DYM: variants seen among roughly 807,000 people sequenced by gnomAD.
DYM encodes dymeclin.
Under a neutral mutation model 93.1 loss-of-function variants are expected in DYM, and 78 were observed. The observed-to-expected ratio is 0.84, with a 90% CI of 0.70 to 1.01. The LOEUF is 1.01. DYM is among the 50% of genes least tolerant of loss of function. The probability of loss-of-function intolerance (pLI) is 0.00; values close to 1 mark genes in which losing one functional copy is unlikely to be tolerated. For missense variants in DYM, 789 were observed against 845.0 expected, an observed-to-expected ratio of 0.93 and a Z score of 0.82; for synonymous variants, 321 against 319.7, an observed-to-expected ratio of 1.00 and a Z score of -0.04.
chr18:49,302,057 G>C (rs1218850830), intron 8 of DYM, among the ~76,000 whole-genome samples: 1 of 152,132 alleles, frequency 6.6e-6, no homozygotes, highest in African/African-American at 2.4e-5. Flanking sequence ...TTTAAAACTT[G>C]CGTGCAAAGA....
intron 15 of DYM, among the ~76,000 whole-genome samples, chr18:49,127,206 T>G (rs7237816): frequency 0.1 from 15,961 of 152,246 alleles, 1,107 homozygotes; most frequent in East Asian, 0.25. Context: ...TGGGCATACT[T>G]ATTTTACTGC....
intron 6 of DYM, among the ~76,000 whole-genome samples, chr18:49,337,170 C>T (rs1343907031): frequency 6.6e-6 from 1 of 152,144 alleles, no homozygotes; most frequent in African/African-American, 2.4e-5. Context: ...ATGCTGAGGT[C>T]AGGTAATATG....
intron 1 of DYM, among the ~76,000 whole-genome samples, chr18:49,454,336 A>G (rs2082783260): frequency 6.6e-6 from 1 of 152,164 alleles, no homozygotes; most frequent in Admixed American, 6.5e-5. Flanking sequence ...TTTTCTAACA[A>G]AGAGCAGCCT....
At chr18:49,146,829 G>T (rs2085201854) in intron 15 of DYM, among the ~76,000 whole-genome samples, 1 of 152,096 alleles carries the variant, frequency 6.6e-6, no homozygotes, top group Admixed American at 6.5e-5. Flanking sequence ...CTTCTTCACA[G>T]AATTGGAAAA....
rs117237434 is a variant in DYM at position 49,345,049 on chromosome 18, G to C, written c.495-11196C>G. On this transcript the variant is annotated intron_variant, in intron 6 of 17. Transcript: ENST00000675505. ...TCTAAAGTTCAAGTATTTAAAACAGGATCAAAGTTAATTTCTCTGCCATAT... is the reference window on the plus strand; with the variant it reads ...TCTAAAGTTCAAGTATTTAAAACAGCATCAAAGTTAATTTCTCTGCCATAT... Among the ~76,000 whole-genome samples, 908 of 152,248 alleles carry C rather than the reference G, an allele frequency of 6.0e-3. 6 individuals carry two copies. Among genetic ancestry groups the C allele is most frequent in the Middle Eastern group, 0.014 (4 of 294 alleles).
Position 49,260,864 on chromosome 18 carries a change from A to C in DYM, c.1252-2371T>G, listed in dbSNP as rs548456450. On this transcript the variant is annotated intron_variant, in intron 11 of 17. Transcript: ENST00000675505. Reference sequence around the variant, plus strand: ...CCATGTACCATCTCCGGGAGAAAAAAAAAAAACAAAACACCACAACACATG... The same window carrying C: ...CCATGTACCATCTCCGGGAGAAAAACAAAAAACAAAACACCACAACACATG... Among the ~76,000 whole-genome samples, 15 of 152,194 alleles carry C rather than the reference A, an allele frequency of 9.9e-5. No homozygotes were observed. In the South Asian group the frequency reaches 2.3e-3, roughly 23 times the overall value.
At chr18:49,210,079 A>G (rs2092711177) in intron 13 of DYM, among the ~76,000 whole-genome samples, 1 of 152,254 alleles carries the variant, frequency 6.6e-6, no homozygotes, top group East Asian at 1.9e-4. Flanking sequence ...GAGGATGTGG[A>G]GCAACAGGAA....
chr18:49,161,311 C>T (rs551330025), intron 15 of DYM, among the ~76,000 whole-genome samples: 1 of 152,242 alleles, frequency 6.6e-6, no homozygotes, highest in South Asian at 2.1e-4. Flanking sequence ...CCATGGTTGG[C>T]AAATACCAGT....
intron 1 of DYM, among the ~76,000 whole-genome samples, chr18:49,457,040 G>A (rs946054767): frequency 6.6e-6 from 1 of 152,162 alleles, no homozygotes; most frequent in African/African-American, 2.4e-5. Flanking sequence ...CTCTCTGTCC[G>A]AAGAAAGGAA....
intron 10 of DYM, among the ~76,000 whole-genome samples, chr18:49,276,201 G>A (rs1387922087): frequency 6.6e-6 from 1 of 151,822 alleles, no homozygotes; most frequent in African/African-American, 2.4e-5. Context: ...TGTGAGCTGT[G>A]GGGTTTTCAT....
chr18:49,099,200 T>C (rs760403320), intron 16 of DYM, among the ~76,000 whole-genome samples: 6 of 152,232 alleles, frequency 3.9e-5, no homozygotes, highest in Non-Finnish European at 8.8e-5. Flanking sequence ...TTAGGCTTAC[T>C]GAATTTTTTT....
intron 5 of DYM, among the ~76,000 whole-genome samples, chr18:49,367,580 A>G (rs895875952): frequency 2.2e-4 from 33 of 152,330 alleles, no homozygotes; most frequent in African/African-American, 7.9e-4. Context: ...TAAAAAAATT[A>G]TTTTTAAAAA....
chr18:49,292,597 A>C (rs12605570), intron 8 of DYM, among the ~76,000 whole-genome samples: 596 of 9,310 alleles, frequency 0.064, 6 homozygotes, highest in East Asian at 0.16. Flanking sequence ...TGTTGGAAAA[A>C]AAAAAAAAAA....
chr18:49,348,846 T>C (rs1311735586), intron 6 of DYM, among the ~76,000 whole-genome samples: 3 of 148,602 alleles, frequency 2.0e-5, no homozygotes, highest in South Asian at 2.2e-4. Flanking sequence ...GAGGTGGAGA[T>C]TGCAGTGAGC....
chr18:49,209,459 T>C, intron 14 of DYM, 92 bp downstream of exon 14: 1 of 844,956 alleles, frequency 1.2e-6, no homozygotes, highest in Non-Finnish European at 1.5e-6. Flanking sequence ...TTCTCTTTAA[T>C]AATTTAATTG....
In DYM at chr18:49,228,486, T is replaced by C. The variant is rs144235789; in HGVS notation, c.1461-18771A>G. 4.2e-3 allele frequency among the ~76,000 whole-genome samples: 638 copies of C among 152,242 alleles called. 3 individuals are homozygous for C. The highest frequency in any genetic ancestry group is 4.7e-3 in the Non-Finnish European group (317 of 67,998). On this transcript the variant is annotated intron_variant, in intron 13 of 17. Coordinates refer to ENST00000675505, the MANE Select transcript of DYM (RefSeq NM_001353214.3). ...GACGGAAGTGAGAAAAATTCAATCA[T>C]TATAATCATCCCTGGTCCCCAGCCA...
rs373461335 is a variant in DYM, at chr18:49,425,275, C to G, written c.140+4980G>C. On this transcript the variant is annotated intron_variant, in intron 2 of 17. Transcript: ENST00000675505. ...ACCATCTGATCTTTGACAAACCTGA[C>G]AAAAACAAGCAATGGGGAAAGGATT... Among the ~76,000 whole-genome samples the G allele has an allele frequency of 4.4e-3, 674 of 152,198 alleles. 2 individuals carry two copies. Among genetic ancestry groups the G allele is most frequent in the African/African-American group, 4.9e-3 (203 of 41,532 alleles).
At chr18:49,167,918 T>A (rs531638896) in intron 14 of DYM, among the ~76,000 whole-genome samples, 1 of 152,194 alleles carries the variant, frequency 6.6e-6, no homozygotes, top group Admixed American at 6.5e-5. Context: ...GTAAATAAAC[T>A]GTGGGATAGT....
intron 17 of DYM, chr18:49,093,216 C>T (rs1193766609): frequency 6.6e-6 from 1 of 152,052 alleles, no homozygotes; most frequent in Non-Finnish European, 1.5e-5. Flanking sequence ...GATCGGCTCA[C>T]CTGACAGACA....
Sources: allele counts gnomAD v4.1 joint callset (sites outside exome capture counted in the v4.1 genomes callset), GRCh38; gene constraint gnomAD v4.1.1; transcripts MANE v1.5; gene names NCBI Gene and HGNC (gene_info 2026-07-23, HGNC 2026-07-21).